Variants in SYT14 observed in about 807,000 individuals in gnomAD.
SYT14 encodes synaptotagmin 14, also known as synaptotagmin-14.
A neutral mutation model predicts 74.2 loss-of-function variants in SYT14; 32 were observed. The observed-to-expected ratio is 0.43, with a 90% confidence interval of 0.33 to 0.58. The LOEUF is 0.58. Among genes scored for constraint, SYT14 ranks in the 20% least tolerant of loss-of-function variants. SYT14 has a pLI of 0.05. For synonymous variants in SYT14, 298 were observed against 337.7 expected (o/e 0.88, Z 1.29); for missense variants, 791 against 981.8 (o/e 0.81, Z 2.60).
At chr1:210,102,759 G>A (rs924590816) in intron 7 of SYT14, among the ~76,000 whole-genome samples, 1 of 152,040 alleles carries the variant, frequency 6.6e-6, no homozygotes, top group Non-Finnish European at 1.5e-5. Flanking sequence ...ATGGCTGATT[G>A]TAGCCTGAAA....
chr1:210,087,630 A>C (rs1471700367), intron 5 of SYT14, among the ~76,000 whole-genome samples: 1 of 151,946 alleles, frequency 6.6e-6, no homozygotes, highest in Non-Finnish European at 1.5e-5. Flanking sequence ...TGATGTCTTT[A>C]CCCTACTTTA....
intron 2 of SYT14, among the ~76,000 whole-genome samples, chr1:209,960,748 T>A (rs2102710589): frequency 6.6e-6 from 1 of 152,314 alleles, no homozygotes; most frequent in South Asian, 2.1e-4. Context: ...TGTATGATTG[T>A]TGACATAGGA....
Position 209,942,371 on chromosome 1 carries a change from C to G in SYT14, c.-534+4094C>G, listed in dbSNP as rs866675064. ...CTCCATGCAAATTTACCCCCCCCCC[C>G]CCGCTCTGTTGTGCAGATTTACCAT... On this transcript the variant is annotated intron_variant, in intron 1 of 9. Transcript: ENST00000637265. Among the ~76,000 whole-genome samples, 319 of 131,842 alleles carry G rather than the reference C, an allele frequency of 2.4e-3. 23 individuals carry two copies. Among genetic ancestry groups the G allele is most frequent in the African/African-American group, 8.8e-3 (298 of 33,796 alleles). 86.5% of individuals were successfully genotyped at this position (131,842 alleles called of 152,430 possible). A position where few individuals can be genotyped will look rare whatever the true frequency, so the allele number is the denominator to read the frequency against.
At chr1:210,152,168 T>C (rs1390238849) in intron 7 of SYT14, among the ~76,000 whole-genome samples, 1 of 152,174 alleles carries the variant, frequency 6.6e-6, no homozygotes, top group Non-Finnish European at 1.5e-5. Flanking sequence ...TACCAAACTA[T>C]GTGTTTTGTG....
intron 2 of SYT14, among the ~76,000 whole-genome samples, chr1:209,997,647 C>T (rs2079822994): frequency 6.6e-6 from 1 of 152,000 alleles, no homozygotes; most frequent in Non-Finnish European, 1.5e-5. Flanking sequence ...GTTGGATACT[C>T]AGGGACATAA....
chr1:210,085,854 G>T (rs897410171), intron 5 of SYT14, among the ~76,000 whole-genome samples: 2 of 151,968 alleles, frequency 1.3e-5, no homozygotes, highest in Non-Finnish European at 2.9e-5. Context: ...TTTCTTTCTT[G>T]TAAGATACTT....
intron 7 of SYT14, among the ~76,000 whole-genome samples, chr1:210,130,932 C>G (rs1419025750): frequency 6.6e-6 from 1 of 152,046 alleles, no homozygotes; most frequent in Admixed American, 6.5e-5. Context: ...GTAACTTATT[C>G]ATAACATTTG....
At chr1:210,036,515 C>A (rs1032858629) in intron 5 of SYT14, among the ~76,000 whole-genome samples, 3 of 151,820 alleles carry the variant, frequency 2.0e-5, no homozygotes, top group Admixed American at 6.6e-5. Context: ...TGTTCCAGTT[C>A]TTAAGGGGGA....
intron 7 of SYT14, among the ~76,000 whole-genome samples, chr1:210,104,970 A>G (rs2484036): frequency 7.4e-4 from 112 of 152,214 alleles, no homozygotes; most frequent in Admixed American, 2.6e-3. Context: ...TTTCATCTTG[A>G]AATAAGGTTC....
chr1:209,969,106 C>T (rs990337736), intron 2 of SYT14, among the ~76,000 whole-genome samples: 1 of 152,086 alleles, frequency 6.6e-6, no homozygotes, highest in African/African-American at 2.4e-5. Context: ...TGTAGTATTC[C>T]ATGGCGTTTA....
chr1:210,061,487 T>C (rs1328040823), intron 5 of SYT14, among the ~76,000 whole-genome samples: 3 of 151,962 alleles, frequency 2.0e-5, no homozygotes, highest in Non-Finnish European at 4.4e-5. Flanking sequence ...GGTTCAGTTA[T>C]CTTTTTTTCC....
At chr1:210,102,782 A>G (rs993147109) in intron 7 of SYT14, among the ~76,000 whole-genome samples, 4 of 152,152 alleles carry the variant, frequency 2.6e-5, no homozygotes, top group African/African-American at 9.6e-5. Context: ...CCTGGGCTTA[A>G]GTGATCCTCC....
At chr1:209,972,527 A>G (rs1438352433) in intron 2 of SYT14, among the ~76,000 whole-genome samples, 1 of 151,948 alleles carries the variant, frequency 6.6e-6, no homozygotes, top group African/African-American at 2.4e-5. Context: ...CTGCATCCCA[A>G]AGATTTTTGT....
At chr1:210,152,014 T>C (rs1188813935) in intron 7 of SYT14, among the ~76,000 whole-genome samples, 1 of 152,204 alleles carries the variant, frequency 6.6e-6, no homozygotes, top group Non-Finnish European at 1.5e-5. Context: ...CTCACAATAT[T>C]CTAACAGATG....
intron 5 of SYT14, among the ~76,000 whole-genome samples, chr1:210,059,445 T>TAGAGAGAGAGAGAGAG (rs1391983771): frequency 4.1e-5 from 4 of 96,802 alleles, no homozygotes; most frequent in East Asian, 2.9e-4. Flanking sequence ...TATATATATA[T>TAGAGAGAGAGAGAGAG]ATATATAGAG....
At position 210,072,573 on chromosome 1, in the gene SYT14, A is replaced by T. The variant is rs2081415021; in HGVS notation, c.1313-21749A>T. Among the ~76,000 whole-genome samples the T allele has an allele frequency of 2.0e-5, 3 of 152,042 alleles. No homozygotes were observed. The South Asian group carries it at 6.2e-4, about 32-fold the overall frequency. ...GTGCAGTTTCTTAATCACAATTTGGACATGGGAGTACAGGAGTACACATTC... is the reference window on the plus strand; with the variant it reads ...GTGCAGTTTCTTAATCACAATTTGGTCATGGGAGTACAGGAGTACACATTC... On this transcript the variant is annotated intron_variant, in intron 5 of 9. Coordinates refer to ENST00000637265, the Ensembl canonical transcript of SYT14.
At chr1:209,967,689 A>G (rs2079176776) in intron 2 of SYT14, among the ~76,000 whole-genome samples, 1 of 151,916 alleles carries the variant, frequency 6.6e-6, no homozygotes, top group Non-Finnish European at 1.5e-5. Flanking sequence ...AATTTCTGTC[A>G]TCTCTATTTT....
chr1:209,983,108 T>C (rs2079516085), intron 2 of SYT14, among the ~76,000 whole-genome samples: 1 of 152,104 alleles, frequency 6.6e-6, no homozygotes, highest in Non-Finnish European at 1.5e-5. Flanking sequence ...CTTTATCAAA[T>C]GTGTCTTTTG....
At chr1:210,120,375 T>TTG (rs2082435927) in intron 7 of SYT14, among the ~76,000 whole-genome samples, 1 of 145,646 alleles carries the variant, frequency 6.9e-6, no homozygotes, top group East Asian at 2.1e-4. Context: ...GTTTTTTTTT[T>TTG]TTTTGTTTGA....
Sources: gnomAD v4.1 joint callset for allele counts (sites outside exome capture counted in the v4.1 genomes callset) on GRCh38, gnomAD v4.1.1 for gene constraint, MANE v1.5 for transcripts, NCBI Gene and HGNC (gene_info 2026-07-23, HGNC 2026-07-21) for gene names.